Variants in NUP205 observed in about 807,000 individuals in gnomAD.
The protein encoded by NUP205 is nucleoporin 205, also known as nuclear pore complex protein Nup205.
Under a neutral mutation model 253.8 loss-of-function variants are expected in NUP205, and 76 were observed. That is an observed-to-expected ratio of 0.30 (90% confidence interval 0.25 to 0.36). The LOEUF (loss-of-function observed/expected upper bound fraction) is 0.36, where lower values mean the gene tolerates loss of function less well. NUP205 is among the 10% of genes least tolerant of loss of function. NUP205 has a pLI of 1.00. For synonymous variants in NUP205, 832 were observed against 850.1 expected (o/e 0.98, Z 0.37); for missense variants, 2,162 against 2,425.5 (o/e 0.89, Z 2.28).
At chr7:135,594,513 T>C in intron 12 of NUP205, 34 bp from the exon 13 acceptor site, 1 of 1,522,316 alleles carries the variant, frequency 6.6e-7, no homozygotes, top group Non-Finnish European at 8.9e-7. Flanking sequence ...CTTTTAAAAA[T>C]GGAAAGTCTC....
intron 2 of NUP205, 28 bp downstream of exon 2, chr7:135,571,275 TG>T: frequency 1.5e-6 from 2 of 1,373,950 alleles, no homozygotes; most frequent in Non-Finnish European, 1.9e-6. Flanking sequence ...TCAGTTTTTT[TG>T]GGATTTTTTT....
chr7:135,613,302 T>C (rs936883007), intron 22 of NUP205, among the ~76,000 whole-genome samples: 1 of 151,884 alleles, frequency 6.6e-6, no homozygotes, highest in African/African-American at 2.4e-5. Context: ...TTATATATAT[T>C]AGAGCTAGCA....
rs1185743013 is a variant in NUP205, at chr7:135,614,140, TC to T, written c.3196-18del. ...ACAGAAAGACTGATTCAGGGATTTTTCTTACTTTAATGCTTTAGGTCATATA... is the reference window on the plus strand; with the variant it reads ...ACAGAAAGACTGATTCAGGGATTTTTTTACTTTAATGCTTTAGGTCATATA... On this transcript the variant is annotated intron_variant, in intron 22 of 42. Coordinates refer to ENST00000285968, the MANE Select transcript of NUP205 (RefSeq NM_015135.3). The T allele has an allele frequency of 7.5e-7, 1 of 1,335,972 alleles. No homozygotes were observed. The allele number at this position is 1,335,972 out of a possible 1,614,324, so 82.8% of individuals were successfully genotyped here. A position where few individuals can be genotyped will look rare whatever the true frequency, so the allele number is the denominator to read the frequency against.
chr7:135,574,730 A>G (rs552219722), intron 3 of NUP205, among the ~76,000 whole-genome samples: 12 of 152,356 alleles, frequency 7.9e-5, no homozygotes, highest in African/African-American at 2.9e-4. Context: ...AAGCAGAGAC[A>G]TTACATAATT....
Position 135,578,824 on chromosome 7 carries a change from A to G in NUP205, c.951A>G (p.Ser317=), listed in dbSNP as rs1400153790. The G allele has an allele frequency of 1.9e-6, 3 of 1,612,306 alleles. No individual in the cohort carries two copies. The highest frequency in any genetic ancestry group is 2.5e-6 in the Non-Finnish European group (3 of 1,179,418). The change falls in exon 7 of 43, where the codon TCA becomes TCG. Residue 317 remains serine, a synonymous_variant. Coordinates refer to ENST00000285968, the MANE Select transcript of NUP205 (RefSeq NM_015135.3). The part of the protein sequence containing the change: ...IATIHSRLQD[S]QLWKLPGLQA... ...CAATTCACTCTCGTCTTCAGGACTCACAGCTTTGGAAACTGCCTGGGCTCC... is the reference window on the plus strand; with the variant it reads ...CAATTCACTCTCGTCTTCAGGACTCGCAGCTTTGGAAACTGCCTGGGCTCC...
At chr7:135,565,658 C>T (rs1252100038) in intron 1 of NUP205, among the ~76,000 whole-genome samples, 3 of 152,020 alleles carry the variant, frequency 2.0e-5, no homozygotes, top group African/African-American at 7.3e-5. Context: ...TCTCGAACTC[C>T]CGACCTAAGG....
At chr7:135,561,688 T>C (rs1805583343) in intron 1 of NUP205, among the ~76,000 whole-genome samples, 1 of 152,188 alleles carries the variant, frequency 6.6e-6, no homozygotes, top group Non-Finnish European at 1.5e-5. Flanking sequence ...TTTGAATCAC[T>C]TTTCCTCTGT....
At chr7:135,579,922 A>G (rs539834628) in intron 7 of NUP205, among the ~76,000 whole-genome samples, 3 of 152,234 alleles carry the variant, frequency 2.0e-5, no homozygotes, top group Non-Finnish European at 2.9e-5. Context: ...TTGGGTTTAC[A>G]GGTGTGAGCC....
At position 135,614,182 on chromosome 7, in the gene NUP205, C is replaced by A; in HGVS notation, c.3219C>A (p.Cys1073Ter). The change falls in exon 23 of 43, where the codon TGC becomes TGA. Residue 1073 changes from cysteine to a stop codon, truncating the protein, a stop_gained. Coordinates refer to ENST00000285968, the MANE Select transcript of NUP205 (RefSeq NM_015135.3). LOFTEE classifies it high-confidence loss of function. ...AGGTCATATATCAGTTATGTGCATGCTCTGATACATCTGGTCCTACTATGA... is the reference window on the plus strand; with the variant it reads ...AGGTCATATATCAGTTATGTGCATGATCTGATACATCTGGTCCTACTATGA... ...CYQVIYQLCA[C>*]SDTSGPTMRY... 1 of 1,604,060 alleles carries A rather than the reference C, an allele frequency of 6.2e-7. No individual in the cohort carries two copies. Among genetic ancestry groups the A allele is most frequent in the Non-Finnish European group, 8.5e-7 (1 of 1,171,242 alleles).
chr7:135,620,266 G>A (rs1285174021), intron 30 of NUP205, among the ~76,000 whole-genome samples: 3 of 152,174 alleles, frequency 2.0e-5, no homozygotes, highest in Non-Finnish European at 4.4e-5. Context: ...TGGCATGGTG[G>A]CTCACGCCTG....
At position 135,618,616 on chromosome 7, in the gene NUP205, C is replaced by A; in HGVS notation, c.3963+13C>A. 1 of 1,558,476 alleles carries A rather than the reference C, an allele frequency of 6.4e-7. No individual in the cohort carries two copies. The highest frequency in any genetic ancestry group is 1.2e-5 in the South Asian group (1 of 82,080). ...TGTGCATGATAAGGTGACGTACTTC[C>A]TAAAATACTTTATACTGCTGAACGA... On this transcript the variant is annotated intron_variant, in intron 28 of 42. Coordinates refer to ENST00000285968, the MANE Select transcript of NUP205 (RefSeq NM_015135.3).
intron 1 of NUP205, among the ~76,000 whole-genome samples, chr7:135,569,420 T>C (rs1390615888): frequency 3.3e-5 from 5 of 152,164 alleles, no homozygotes; most frequent in Middle Eastern, 3.2e-3. Context: ...CACTTTCACT[T>C]TTTAAGTATT....
At chr7:135,597,530 T>G in intron 14 of NUP205, 112 bp downstream of exon 14, 1 of 661,884 alleles carries the variant, frequency 1.5e-6, no homozygotes, top group Non-Finnish European at 2.6e-6. Flanking sequence ...TTTAATGTAT[T>G]TTTATTTGAA....
Position 135,635,607 on chromosome 7 carries a change from G to A in NUP205, c.5086G>A (p.Val1696Ile), listed in dbSNP as rs771615112. Reference sequence around the variant, plus strand: ...AATATTAAGTGAACTTGACGTTGATGTAAATGAAGGGTCTCTAATGGAGCT... The same window carrying A: ...AATATTAAGTGAACTTGACGTTGATATAAATGAAGGGTCTCTAATGGAGCT... ...PGILSELDVDVNEGSLMELQG... is the reference protein window; with the variant it reads ...PGILSELDVDINEGSLMELQG... Residue 1696 changes from valine to isoleucine, a missense_variant, in exon 36 of 43, where the codon GTA becomes ATA. By Grantham distance (29) the Val-to-Ile change is conservative. Transcript: ENST00000285968. The A allele has an allele frequency of 1.3e-6, 2 of 1,592,068 alleles. No homozygotes were observed. Among genetic ancestry groups the A allele is most frequent in the East Asian group, 4.5e-5 (2 of 44,572 alleles).
At chr7:135,595,414 G>C (rs1793802848) in intron 13 of NUP205, among the ~76,000 whole-genome samples, 1 of 151,942 alleles carries the variant, frequency 6.6e-6, no homozygotes, top group Non-Finnish European at 1.5e-5. Context: ...AATAGAGATG[G>C]GGTTTTGCCA....
At chr7:135,620,703 A>G (rs368209717) in intron 30 of NUP205, among the ~76,000 whole-genome samples, 3 of 152,170 alleles carry the variant, frequency 2.0e-5, no homozygotes, top group South Asian at 2.1e-4. Context: ...TGGAATTTCC[A>G]TGTGTAAAAG....
chr7:135,630,306 C>CCT lies in NUP205; in HGVS notation c.4933-37_4933-36dup, dbSNP rs10690915. ...ATTTATATATAATTTTCTACTTCTA[C>CCT]CTGTTTTTTCTATTCCTCTTCCTTT... is the stretch of plus-strand genomic sequence containing the variant. On this transcript the variant is annotated intron_variant, in intron 34 of 42. Coordinates refer to ENST00000285968, the MANE Select transcript of NUP205 (RefSeq NM_015135.3). 291,095 of 1,469,148 alleles carry CCT rather than the reference C, an allele frequency of 0.2. 30,616 individuals are homozygous for CCT. The highest frequency in any genetic ancestry group is 0.3 in the East Asian group (11,965 of 40,352). 91.0% of individuals were successfully genotyped at this position (1,469,148 alleles called of 1,614,324 possible). A position where few individuals can be genotyped will look rare whatever the true frequency, so the allele number is the denominator to read the frequency against.
At chr7:135,566,791 G>A (rs143018852) in intron 1 of NUP205, among the ~76,000 whole-genome samples, 3,827 of 152,020 alleles carry the variant, frequency 0.025, 79 homozygotes, top group South Asian at 0.077. Context: ...AGGCTGAAGC[G>A]CAGTGGCGCA....
chr7:135,561,226 C>G (rs768928075), intron 1 of NUP205, among the ~76,000 whole-genome samples: 1 of 152,092 alleles, frequency 6.6e-6, no homozygotes, highest in Non-Finnish European at 1.5e-5. Context: ...TGTCTGTAAT[C>G]CCAGCTACTC....
Sources: allele counts gnomAD v4.1 joint callset (sites outside exome capture counted in the v4.1 genomes callset), GRCh38; gene constraint gnomAD v4.1.1; transcripts MANE v1.5; gene names NCBI Gene and HGNC (gene_info 2026-07-23, HGNC 2026-07-21).